NOS1: variants seen among roughly 807,000 people sequenced by gnomAD.
NOS1 encodes NOS type I.
A neutral mutation model predicts 164.5 loss-of-function variants in NOS1; 51 were observed. The ratio of observed to expected loss-of-function variants is 0.31; its 90% confidence interval spans 0.25 to 0.39. The LOEUF is 0.39. Ranked by LOEUF, NOS1 falls within the 10% of genes least tolerant of loss-of-function variation. The probability of loss-of-function intolerance (pLI) is 1.00; values close to 1 mark genes in which losing one functional copy is unlikely to be tolerated. For missense variants in NOS1, 1,362 were observed against 1,885.6 expected (o/e 0.72, Z 5.14); for synonymous variants, 719 against 745.8 (o/e 0.96, Z 0.59).
chr12:117,224,897 T>C (rs540357545), intron 25 of NOS1, 119 bp downstream of exon 25: 1 of 1,358,258 alleles, frequency 7.4e-7, no homozygotes, highest in Non-Finnish European at 1.0e-6. Context: ...CGCCCCAGCT[T>C]TTCTGAGGCG....
chr12:117,272,768 C>T lies in NOS1; in HGVS notation c.1665-209G>A, dbSNP rs949757151. Reference sequence around the variant, plus strand: ...TTTTTAACGTATTTCTCAGGTGCTTCGGATGGATATTCAGGCCTGGAAACT... The same window carrying T: ...TTTTTAACGTATTTCTCAGGTGCTTTGGATGGATATTCAGGCCTGGAAACT... On this transcript the variant is annotated intron_variant, in intron 9 of 28. Coordinates refer to ENST00000317775, the MANE Select transcript of NOS1 (RefSeq NM_000620.5). This position sits in a 1 kb window ranked among gnomAD's most constrained non-coding sequence, Gnocchi z 4.3. Among the ~76,000 whole-genome samples, 3 of 152,174 alleles carry T rather than the reference C, an allele frequency of 2.0e-5. No individual in the cohort carries two copies. Among genetic ancestry groups the T allele is most frequent in the East Asian group, 1.9e-4 (1 of 5,196 alleles).
chr12:117,224,103 T>G (rs1868427461), intron 25 of NOS1, among the ~76,000 whole-genome samples: 1 of 152,232 alleles, frequency 6.6e-6, no homozygotes, highest in Admixed American at 6.5e-5. Flanking sequence ...AGAATGACAG[T>G]TTCATGGGGG....
intron 1 of NOS1, among the ~76,000 whole-genome samples, chr12:117,349,407 T>C (rs1191772432): frequency 1.3e-5 from 2 of 152,266 alleles, no homozygotes; most frequent in African/African-American, 2.4e-5. Context: ...CCTTTGGCTA[T>C]CGTGAATAGT....
Position 117,215,214 on chromosome 12 carries a change from G to C in NOS1, c.*95C>G. 1 of 1,389,406 alleles carries C rather than the reference G, an allele frequency of 7.2e-7. No homozygotes were observed. The highest frequency in any genetic ancestry group is 2.6e-5 in the East Asian group (1 of 38,046). The allele number at this position is 1,389,406 out of a possible 1,614,324, so 86.1% of individuals were successfully genotyped here. A position where few individuals can be genotyped will look rare whatever the true frequency, so the allele number is the denominator to read the frequency against. On this transcript the variant is annotated 3_prime_UTR_variant, in exon 29 of 29. Transcript: ENST00000317775. ...CCAGGGCACAGCGACAAGGACAGGA[G>C]GCAGAGCGAGGGCCACAGGGGGTCC... is the stretch of plus-strand genomic sequence containing the variant.
At chr12:117,304,028 C>G (rs1358014815) in intron 3 of NOS1, among the ~76,000 whole-genome samples, 2 of 152,072 alleles carry the variant, frequency 1.3e-5, no homozygotes, top group African/African-American at 2.4e-5. Context: ...AAAAATTAGC[C>G]GGGCGTGGCG....
At chr12:117,262,509 A>C (rs932445534) in intron 13 of NOS1, among the ~76,000 whole-genome samples, 22 of 147,818 alleles carry the variant, frequency 1.5e-4, no homozygotes, top group Non-Finnish European at 2.8e-4. Context: ...GAGAGAGAAG[A>C]GAGAGGAGAG....
chr12:117,218,016 G>A, intron 28 of NOS1, 30 bp downstream of exon 28: 2 of 1,496,636 alleles, frequency 1.3e-6, no homozygotes, highest in Non-Finnish European at 1.9e-6. Context: ...GGCTCTTCCT[G>A]CCCCTCACCC....
intron 18 of NOS1, among the ~76,000 whole-genome samples, chr12:117,244,624 C>A (rs1464212059): frequency 6.6e-6 from 1 of 152,180 alleles, no homozygotes; most frequent in Non-Finnish European, 1.5e-5. Flanking sequence ...CATTGTTTGA[C>A]CTCATGTTGA....
At chr12:117,268,750 G>A (rs577929751) in intron 10 of NOS1, among the ~76,000 whole-genome samples, 2 of 150,646 alleles carry the variant, frequency 1.3e-5, no homozygotes, top group Non-Finnish European at 3.0e-5. Context: ...CCACCACGCC[G>A]GGCTAATTTT....
intron 17 of NOS1, among the ~76,000 whole-genome samples, chr12:117,251,247 G>A (rs535584174): frequency 1.1e-4 from 16 of 152,262 alleles, no homozygotes; most frequent in Admixed American, 3.9e-4. Context: ...CACTAGAACC[G>A]TGAGAAATAA....
chr12:117,279,261 CAGCTACTCAGG>C (rs1873435220), intron 8 of NOS1, among the ~76,000 whole-genome samples: 1 of 151,974 alleles, frequency 6.6e-6, no homozygotes, highest in Non-Finnish European at 1.5e-5. Flanking sequence ...TCTGTAGTCC[CAGCTACTCAGG>C]AGGCAGAGGC....
intron 2 of NOS1, among the ~76,000 whole-genome samples, chr12:117,316,248 G>A (rs1278771852): frequency 6.6e-6 from 1 of 152,016 alleles, no homozygotes; most frequent in Non-Finnish European, 1.5e-5. Context: ...TGGGGGCTGG[G>A]GCACACGTGG....
chr12:117,325,708 C>T (rs1875212413), intron 2 of NOS1, among the ~76,000 whole-genome samples: 1 of 152,202 alleles, frequency 6.6e-6, no homozygotes, highest in Admixed American at 6.5e-5. Context: ...TATCAGGAGT[C>T]ATTCACTATT....
chr12:117,359,824 G>C (rs1243295788), intron 1 of NOS1, among the ~76,000 whole-genome samples: 5 of 138,322 alleles, frequency 3.6e-5, no homozygotes, highest in African/African-American at 8.1e-5. Context: ...GGAAACCCTA[G>C]ACCTGCGTGC....
Position 117,213,032 on chromosome 12 carries a change from G to C in NOS1, c.*2277C>G. On this transcript the variant is annotated 3_prime_UTR_variant, in exon 29 of 29. Transcript: ENST00000317775. ...TTATAATCATTTCTTTGGACTCCTT[G>C]ACAAAATGAGACAATGTTTCCATCT... 1.0e-6 allele frequency: 1 copy of C among 985,434 alleles called. No homozygotes were observed. 61.0% of individuals were successfully genotyped at this position (985,434 alleles called of 1,614,324 possible). A position where few individuals can be genotyped will look rare whatever the true frequency, so the allele number is the denominator to read the frequency against.
At chr12:117,259,003 G>T in intron 15 of NOS1, 23 bp downstream of exon 15, 1 of 1,554,890 alleles carries the variant, frequency 6.4e-7, no homozygotes, top group Non-Finnish European at 8.9e-7. Context: ...CCACACTCTT[G>T]AACAGGTAAA....
At position 117,290,266 on chromosome 12, in the gene NOS1, C is replaced by T. The variant is rs1435162324; in HGVS notation, c.981+32G>A. ...AATGTGGATAGTGATGAAGCTGCCA[C>T]CCTCTCATCTACACCCTGCTGGGAT... On this transcript the variant is annotated intron_variant, in intron 4 of 28. Coordinates refer to ENST00000317775, the MANE Select transcript of NOS1 (RefSeq NM_000620.5). 3 of 1,611,952 alleles carry T rather than the reference C, an allele frequency of 1.9e-6. No individual in the cohort carries two copies. In the South Asian group the frequency reaches 3.3e-5, roughly 18 times the overall value.
intron 5 of NOS1, among the ~76,000 whole-genome samples, chr12:117,287,645 G>T (rs953111361): frequency 6.6e-5 from 10 of 152,122 alleles, no homozygotes; most frequent in Non-Finnish European, 1.0e-4. Flanking sequence ...CACCATTTTG[G>T]CCAGGCTGGT....
intron 1 of NOS1, among the ~76,000 whole-genome samples, chr12:117,355,902 G>A (rs1593046917): frequency 6.6e-6 from 1 of 152,196 alleles, no homozygotes; most frequent in East Asian, 1.9e-4. Context: ...TGGGACCACA[G>A]GTGCACGCCA....
Sources: gnomAD v4.1 joint callset for allele counts (sites outside exome capture counted in the v4.1 genomes callset) on GRCh38, gnomAD v4.1.1 for gene constraint, Gnocchi (gnomAD v3.1) non-coding constraint, MANE v1.5 for transcripts, NCBI Gene and HGNC (gene_info 2026-07-23, HGNC 2026-07-21) for gene names.